The following ROBO2 variants were observed in gnomAD, a reference collection of about 807,000 sequenced individuals.
ROBO2 encodes the protein roundabout homolog 2.
In ROBO2, 53 loss-of-function variants were observed where a neutral mutation model predicts 160.8. That is an observed-to-expected ratio of 0.33 (90% CI 0.26 to 0.41). The LOEUF (loss-of-function observed/expected upper bound fraction) is 0.41, where lower values mean the gene tolerates loss of function less well. Among genes scored for constraint, ROBO2 ranks in the 10% least tolerant of loss-of-function variants. The pLI is 1.00. For missense variants in ROBO2, 1,577 were observed against 1,722.4 expected (o/e 0.92, Z 1.49); for synonymous variants, 664 against 611.7 (o/e 1.09, Z -1.26).
chr3:76,787,008 A>G (rs752470233), intron 2 of ROBO2, among the ~76,000 whole-genome samples: 46 of 151,304 alleles, frequency 3.0e-4, no homozygotes, highest in Non-Finnish European at 6.2e-4. Flanking sequence ...ACATCTTCAT[A>G]TGGTGGCAGG....
At chr3:76,304,738 T>TTTCCTTC (rs749689673) in intron 2 of ROBO2, among the ~76,000 whole-genome samples, 10 of 29,016 alleles carry the variant, frequency 3.4e-4, no homozygotes, top group African/African-American at 7.1e-4. Context: ...CTTTCTTTTC[T>TTTCCTTC]TTTCTTTCCT....
At chr3:76,670,008 A>G (rs962180107) in intron 2 of ROBO2, among the ~76,000 whole-genome samples, 3 of 152,168 alleles carry the variant, frequency 2.0e-5, no homozygotes, top group African/African-American at 7.2e-5. Context: ...ACTAATTTGT[A>G]TTGATGCAAT....
intron 2 of ROBO2, among the ~76,000 whole-genome samples, chr3:75,955,645 A>C (rs78044698): frequency 6.6e-6 from 1 of 151,750 alleles, no homozygotes; most frequent in Non-Finnish European, 1.5e-5. Context: ...ATAAAAAAAA[A>C]GATAATGTTT....
chr3:77,304,316 G>C (rs2062909606), intron 2 of ROBO2, among the ~76,000 whole-genome samples: 1 of 152,156 alleles, frequency 6.6e-6, no homozygotes, highest in African/African-American at 2.4e-5. Context: ...TTGGCTGGTC[G>C]TTGTACCTCT....
Position 76,627,887 on chromosome 3 carries a change from T to C in ROBO2, c.110-470127T>C, listed in dbSNP as rs147233728. Among the ~76,000 whole-genome samples the C allele has an allele frequency of 8.1e-4, 124 of 152,278 alleles. 1 individual carries two copies. Among genetic ancestry groups the C allele is most frequent in the African/African-American group, 3.0e-3 (123 of 41,558 alleles). On this transcript the variant is annotated intron_variant, in intron 2 of 26. Coordinates refer to the ROBO2 transcript ENST00000487694. ...AGGGATTTTTTTCTTGTTTAATATT[T>C]TCCTATGTATGTGAATTTTGGCCAT...
exon 24 of ROBO2, chr3:77,635,015 G>A: frequency 1.2e-6 from 2 of 1,614,108 alleles, no homozygotes; most frequent in Non-Finnish European, 1.7e-6. Flanking sequence ...AACCAGCATT[G>A]CCTCATCGAA....
chr3:77,065,429 AT>A lies in ROBO2; in HGVS notation c.61+24589del, dbSNP rs1171574224. 1.6e-4 allele frequency among the ~76,000 whole-genome samples: 24 copies of A among 152,218 alleles called. No individual in the cohort carries two copies. The East Asian group carries it at 4.6e-3, about 29-fold the overall frequency. Reference sequence around the variant, plus strand: ...AAAATATCCTATTGTTTCTCTTTGTATTTTTTGTATCTAAACCCAATTACCT... The same window carrying A: ...AAAATATCCTATTGTTTCTCTTTGTATTTTTGTATCTAAACCCAATTACCT... On this transcript the variant is annotated intron_variant, in intron 1 of 25. Coordinates refer to ENST00000461745, the Ensembl canonical transcript of ROBO2.
chr3:76,044,973 CAAG>C (rs1306239786), intron 2 of ROBO2, among the ~76,000 whole-genome samples: 1 of 151,978 alleles, frequency 6.6e-6, no homozygotes, highest in Non-Finnish European at 1.5e-5. Flanking sequence ...TGATAGGGGC[CAAG>C]TTGCAGGTGA....
chr3:77,256,694 C>T (rs1011957742), intron 2 of ROBO2, among the ~76,000 whole-genome samples: 1 of 152,128 alleles, frequency 6.6e-6, no homozygotes, highest in Non-Finnish European at 1.5e-5. Context: ...AGAGGAAAAG[C>T]CTATTCCCAA....
At chr3:77,207,451 A>C (rs1233641370) in intron 2 of ROBO2, among the ~76,000 whole-genome samples, 1 of 152,196 alleles carries the variant, frequency 6.6e-6, no homozygotes, top group Non-Finnish European at 1.5e-5. Flanking sequence ...AGATGCTTAA[A>C]TGCCTCTCAT....
chr3:77,442,290 C>T (rs902220206), intron 2 of ROBO2, among the ~76,000 whole-genome samples: 2 of 150,372 alleles, frequency 1.3e-5, no homozygotes, highest in Admixed American at 6.6e-5. Flanking sequence ...CCAGCCTGGG[C>T]GACAGAGCGA....
At chr3:76,275,319 A>G (rs36042994) in intron 2 of ROBO2, among the ~76,000 whole-genome samples, 106,225 of 151,950 alleles carry the variant, frequency 0.7, 41,126 homozygotes, top group Non-Finnish European at 0.89. Context: ...TTTAGGGTAC[A>G]TGGAGGAAAT....
In ROBO2 at chr3:76,275,958, A is replaced by T. The variant is rs143984421; in HGVS notation, c.109+338356A>T. Reference sequence around the variant, plus strand: ...ACTTTTAAAAATTGTTTTTTAATGGATGTTTTCATTTTAATTAAAAATCAA... The same window carrying T: ...ACTTTTAAAAATTGTTTTTTAATGGTTGTTTTCATTTTAATTAAAAATCAA... On this transcript the variant is annotated intron_variant, in intron 2 of 26. Coordinates refer to the ROBO2 transcript ENST00000487694. Among the ~76,000 whole-genome samples, 29 of 152,156 alleles carry T rather than the reference A, an allele frequency of 1.9e-4. No individual in the cohort carries two copies. The East Asian group carries it at 4.3e-3, about 22-fold the overall frequency.
chr3:76,152,096 G>A (rs2072230948), intron 2 of ROBO2, among the ~76,000 whole-genome samples: 1 of 152,158 alleles, frequency 6.6e-6, no homozygotes, highest in Non-Finnish European at 1.5e-5. Context: ...GGTGGCCAGT[G>A]TTGTTGGTAA....
At chr3:76,343,862 A>G (rs1331297124) in intron 2 of ROBO2, among the ~76,000 whole-genome samples, 3 of 152,086 alleles carry the variant, frequency 2.0e-5, no homozygotes, top group Non-Finnish European at 4.4e-5. Context: ...GGTGCCACTT[A>G]TTCTAGTAAA....
intron 2 of ROBO2, among the ~76,000 whole-genome samples, chr3:76,698,009 T>G (rs12488084): frequency 1.3e-5 from 2 of 152,102 alleles, no homozygotes; most frequent in Non-Finnish European, 2.9e-5. Context: ...CTCTTCTATT[T>G]TATTCATTGG....
chr3:76,371,548 A>G (rs961474891), intron 2 of ROBO2, among the ~76,000 whole-genome samples: 3 of 151,900 alleles, frequency 2.0e-5, no homozygotes, highest in African/African-American at 7.2e-5. Flanking sequence ...TATTGACTGC[A>G]CATTTGCTGA....
In ROBO2 at chr3:76,985,574, T is replaced by G. The variant is rs866855695; in HGVS notation, c.110-112440T>G. 8.9e-5 allele frequency among the ~76,000 whole-genome samples: 4 copies of G among 44,904 alleles called. No individual in the cohort carries two copies. The South Asian group carries it at 3.4e-3, about 38-fold the overall frequency. The allele number at this position is 44,904 out of a possible 152,430, so 29.5% of individuals were successfully genotyped here. ...CTGGGCGACAAAGCGAGACTCCGTC[T>G]GAAAAAAAAAAAAAAAAAAAAAAAA... On this transcript the variant is annotated intron_variant, in intron 2 of 26. Coordinates refer to the ROBO2 transcript ENST00000487694.
At chr3:77,521,171 T>C (rs1003008058) in intron 5 of ROBO2, among the ~76,000 whole-genome samples, 3 of 151,206 alleles carry the variant, frequency 2.0e-5, no homozygotes, top group Non-Finnish European at 4.4e-5. Flanking sequence ...TCTTTAGCAC[T>C]TATTTTGCTA....
Sources: gnomAD v4.1 joint callset for allele counts (sites outside exome capture counted in the v4.1 genomes callset) on GRCh38, gnomAD v4.1.1 for gene constraint, MANE v1.5 for transcripts, NCBI Gene and HGNC (gene_info 2026-07-23, HGNC 2026-07-21) for gene names.